The following SH2D3C variants were observed in gnomAD, a reference collection of about 807,000 sequenced individuals.
SH2D3C encodes SH2 domain-containing protein 3C.
A neutral mutation model predicts 75.2 loss-of-function variants in SH2D3C; 25 were observed. That is an observed-to-expected ratio of 0.33 (90% CI 0.24 to 0.46). The LOEUF (loss-of-function observed/expected upper bound fraction) is 0.46, where lower values mean the gene tolerates loss of function less well. Ranked by LOEUF, SH2D3C falls within the 20% of genes least tolerant of loss-of-function variation. SH2D3C has a pLI of 1.00. For synonymous variants in SH2D3C, 450 were observed against 473.7 expected, an observed-to-expected ratio of 0.95 and a Z score of 0.65; for missense variants, 933 against 1,165.3, an observed-to-expected ratio of 0.80 and a Z score of 2.90.
chr9:127,754,960 CAGCCCGACCCTGCCGGGCGCCGCTG>C lies in SH2D3C; in HGVS notation c.556-3685_556-3661del. The C allele has an allele frequency of 5.8e-6, 3 of 516,224 alleles. No homozygotes were observed. The South Asian group carries it at 6.4e-5, about 11-fold the overall frequency. The allele number at this position is 516,224 out of a possible 1,614,324, so 32.0% of individuals were successfully genotyped here. A position where few individuals can be genotyped will look rare whatever the true frequency, so the allele number is the denominator to read the frequency against. The stretch of plus-strand genomic sequence containing the variant: ...CTCCCCGGGTCGGCCGGGCCCAGCC[CAGCCCGACCCTGCCGGGCGCCGCTG>C]AGCTGCAGCTCCCCGGCTGGCTCTA... On this transcript the variant is annotated intron_variant, in intron 3 of 11. Coordinates refer to ENST00000314830, the MANE Select transcript of SH2D3C (RefSeq NM_170600.3). The surrounding 1 kb of genome is among the most constrained non-coding windows in gnomAD (Gnocchi z 4.4).
chr9:127,740,704 G>A (rs987535983), intron 9 of SH2D3C, among the ~76,000 whole-genome samples: 22 of 152,160 alleles, frequency 1.4e-4, no homozygotes, highest in Admixed American at 3.9e-4. Context: ...TTTTTGAGAC[G>A]GAGTCTCATT....
chr9:127,754,966 G>C lies in SH2D3C; in HGVS notation c.556-3666C>G. ...GGGTCGGCCGGGCCCAGCCCAGCCCGACCCTGCCGGGCGCCGCTGAGCTGC... is the reference window on the plus strand; with the variant it reads ...GGGTCGGCCGGGCCCAGCCCAGCCCCACCCTGCCGGGCGCCGCTGAGCTGC... On this transcript the variant is annotated intron_variant, in intron 3 of 11. Transcript: ENST00000314830. This position sits in a 1 kb window ranked among gnomAD's most constrained non-coding sequence, Gnocchi z 4.4. 1 of 515,960 alleles carries C rather than the reference G, an allele frequency of 1.9e-6. No homozygotes were observed. The highest frequency in any genetic ancestry group is 3.0e-6 in the Non-Finnish European group (1 of 328,892). 32.0% of individuals were successfully genotyped at this position (515,960 alleles called of 1,614,324 possible). A position where few individuals can be genotyped will look rare whatever the true frequency, so the allele number is the denominator to read the frequency against.
Position 127,774,144 on chromosome 9 carries a change from T to A in SH2D3C, c.361A>T (p.Lys121Ter), listed in dbSNP as rs749413979. ...CCAGTGGCCTTCACCATCACCTCTT[T>A]GGCTGCCTCCAAGCCTGGGGGGTCG... Reference protein sequence around the residue: ...VPDPPGLEAAKEVMVKATGPL... With the variant: ...VPDPPGLEAA The change falls in exon 2 of 12, where the codon AAA (lysine) becomes TAA (stop). Residue 121 changes from lysine to a stop codon, truncating the protein, a stop_gained. Coordinates refer to ENST00000314830, the MANE Select transcript of SH2D3C (RefSeq NM_170600.3). LOFTEE classifies it high-confidence loss of function. The surrounding 1 kb of genome is among the most constrained non-coding windows in gnomAD (Gnocchi z 4.3). The A allele has an allele frequency of 5.6e-6, 9 of 1,614,038 alleles. No homozygotes were observed. In the African/African-American group the frequency reaches 1.1e-4, roughly 19 times the overall value.
chr9:127,773,931 A>AT, intron 2 of SH2D3C, 59 bp downstream of exon 2: 1 of 1,021,834 alleles, frequency 9.8e-7, no homozygotes, highest in Non-Finnish European at 1.5e-6. Flanking sequence ...AAAAAAAAAA[A>AT]GAAAAAGAAA....
intron 2 of SH2D3C, chr9:127,771,037 C>T: frequency 1.7e-6 from 1 of 573,106 alleles, no homozygotes. Flanking sequence ...CCTGCGGTGA[C>T]AAAGTTACAC....
chr9:127,742,829 G>T lies in SH2D3C; in HGVS notation c.1916+20C>A. 1 of 1,591,554 alleles carries T rather than the reference G, an allele frequency of 6.3e-7. No homozygotes were observed. The highest frequency in any genetic ancestry group is 8.6e-7 in the Non-Finnish European group (1 of 1,164,882). On this transcript the variant is annotated intron_variant, in intron 8 of 11. Transcript: ENST00000314830. ...AGCCGGGGGTTCCCCGCGAGTCCCC[G>T]GGTGCCGGCGCTGTCTCACCTTTCC...
chr9:127,763,404 G>A (rs2131796132), intron 2 of SH2D3C, among the ~76,000 whole-genome samples: 1 of 152,280 alleles, frequency 6.6e-6, no homozygotes, highest in South Asian at 2.1e-4. Context: ...AGTGCCTGCA[G>A]GAGCTCAAGA....
intron 5 of SH2D3C, among the ~76,000 whole-genome samples, chr9:127,748,447 G>C (rs756492599): frequency 6.6e-6 from 1 of 152,204 alleles, no homozygotes; most frequent in Non-Finnish European, 1.5e-5. Flanking sequence ...AGATCTCTTT[G>C]CAAACAGCCA....
intron 2 of SH2D3C, among the ~76,000 whole-genome samples, chr9:127,768,249 G>A (rs1384764424): frequency 6.6e-6 from 1 of 152,156 alleles, no homozygotes; most frequent in African/African-American, 2.4e-5. Context: ...GTGGGACTCT[G>A]GGGAGAGTTG....
At chr9:127,767,607 G>A (rs751576542) in intron 2 of SH2D3C, among the ~76,000 whole-genome samples, 4 of 152,232 alleles carry the variant, frequency 2.6e-5, no homozygotes, top group African/African-American at 7.2e-5. Flanking sequence ...GAGCCTGAGA[G>A]GGCCCTCGGC....
At chr9:127,747,682 G>A (rs1564413667) in intron 5 of SH2D3C, among the ~76,000 whole-genome samples, 1 of 151,998 alleles carries the variant, frequency 6.6e-6, no homozygotes, top group Non-Finnish European at 1.5e-5. Context: ...GGGATTACAG[G>A]TGCCCGTTAC....
Position 127,751,035 on chromosome 9 carries a change from C to T in SH2D3C, c.684+137G>A, listed in dbSNP as rs912643934. On this transcript the variant is annotated intron_variant, in intron 4 of 11. Coordinates refer to ENST00000314830, the MANE Select transcript of SH2D3C (RefSeq NM_170600.3). This position sits in a 1 kb window ranked among gnomAD's most constrained non-coding sequence, Gnocchi z 4.1. ...ACAGTCAGTAAAGGGCAGAGCTAGA[C>T]CTCATCCCAGTCCATTCTGATTGAA... The T allele has an allele frequency of 4.4e-5, 35 of 796,504 alleles. No homozygotes were observed. Among genetic ancestry groups the T allele is most frequent in the Non-Finnish European group, 6.3e-5 (31 of 492,688 alleles). 49.3% of individuals were successfully genotyped at this position (796,504 alleles called of 1,614,324 possible).
intron 1 of SH2D3C, among the ~76,000 whole-genome samples, chr9:127,776,500 G>A (rs1021056677): frequency 2.0e-5 from 3 of 152,108 alleles, no homozygotes; most frequent in Non-Finnish European, 4.4e-5. Flanking sequence ...TGGTTTCTGC[G>A]GGGGTGTATG....
chr9:127,763,742 A>G (rs1012352066), intron 2 of SH2D3C, among the ~76,000 whole-genome samples: 2 of 152,120 alleles, frequency 1.3e-5, no homozygotes, highest in Non-Finnish European at 2.9e-5. Context: ...CTGAGATAAA[A>G]AATAAAATTG....
rs1564419729 is a variant in SH2D3C at position 127,757,623 on chromosome 9, TGATGATG to T, written c.555+3981_555+3987del. Among the ~76,000 whole-genome samples the T allele has an allele frequency of 1.3e-3, 159 of 124,272 alleles. 1 individual carries two copies. Among genetic ancestry groups the T allele is most frequent in the Middle Eastern group, 4.1e-3 (1 of 246 alleles). 81.5% of individuals were successfully genotyped at this position (124,272 alleles called of 152,430 possible). On this transcript the variant is annotated intron_variant, in intron 3 of 11. Transcript: ENST00000314830. ...ACCCAGATGATGATGATGATGATGA[TGATGATG>T]ATGATGATGATGATGATTATTATTA... is the stretch of plus-strand genomic sequence containing the variant.
rs968959273 is a variant in SH2D3C, at chr9:127,774,756, G to T, written c.38-289C>A. 2.0e-5 allele frequency among the ~76,000 whole-genome samples: 3 copies of T among 152,162 alleles called. No homozygotes were observed. Among genetic ancestry groups the T allele is most frequent in the African/African-American group, 4.8e-5 (2 of 41,426 alleles). ...CCTCATTCTCCACATCAGTAAAATA[G>T]AGATTCTAGCACCTACCCACTAGGG... On this transcript the variant is annotated intron_variant, in intron 1 of 11. Transcript: ENST00000314830. This position sits in a 1 kb window ranked among gnomAD's most constrained non-coding sequence, Gnocchi z 4.3.
At position 127,739,372 on chromosome 9, in the gene SH2D3C, T is replaced by TG. The variant is rs1188046660; in HGVS notation, c.2407+309dup. Among the ~76,000 whole-genome samples, 4 of 152,034 alleles carry TG rather than the reference T, an allele frequency of 2.6e-5. No individual in the cohort carries two copies. Among genetic ancestry groups the TG allele is most frequent in the African/African-American group, 9.7e-5 (4 of 41,432 alleles). ...AAAAATACAAAAAATTGGCCAGGTATGGTGGCTCACGCCTGTAATTGCAGC... is the reference window on the plus strand; with the variant it reads ...AAAAATACAAAAAATTGGCCAGGTATGGGTGGCTCACGCCTGTAATTGCAGC... On this transcript the variant is annotated intron_variant, in intron 11 of 11. Coordinates refer to ENST00000314830, the MANE Select transcript of SH2D3C (RefSeq NM_170600.3). This position sits in a 1 kb window ranked among gnomAD's most constrained non-coding sequence, Gnocchi z 4.3.
chr9:127,765,159 C>T (rs571648522), intron 2 of SH2D3C, among the ~76,000 whole-genome samples: 10 of 152,208 alleles, frequency 6.6e-5, no homozygotes, highest in African/African-American at 2.2e-4. Context: ...CAGGTGTGAG[C>T]GACCTCACCC....
chr9:127,752,044 G>A (rs1019608333), intron 3 of SH2D3C, among the ~76,000 whole-genome samples: 3 of 152,116 alleles, frequency 2.0e-5, no homozygotes, highest in Admixed American at 6.5e-5. Context: ...GGCCCAGCAG[G>A]GAAGCCCAAG....
Sources: gnomAD v4.1 joint callset for allele counts (sites outside exome capture counted in the v4.1 genomes callset) on GRCh38, gnomAD v4.1.1 for gene constraint, Gnocchi (gnomAD v3.1) non-coding constraint, MANE v1.5 for transcripts, NCBI Gene and HGNC (gene_info 2026-07-23, HGNC 2026-07-21) for gene names.